The following PREX2 variants were observed in gnomAD, a reference collection of about 807,000 sequenced individuals.
PREX2 encodes the protein phosphatidylinositol-3,4,5-trisphosphate dependent Rac exchange factor 2.
A neutral mutation model predicts 203.2 loss-of-function variants in PREX2; 107 were observed. The observed-to-expected ratio is 0.53, with a 90% CI of 0.45 to 0.62. PREX2 has a LOEUF of 0.62. PREX2 is among the 20% of genes least tolerant of loss of function. The pLI is 0.00. For missense variants in PREX2, 1,777 were observed against 1,955.9 expected, an observed-to-expected ratio of 0.91 and a Z score of 1.72; for synonymous variants, 672 against 663.6, an observed-to-expected ratio of 1.01 and a Z score of -0.19.
At chr8:68,196,785 C>G (rs1812407067) in intron 37 of PREX2, among the ~76,000 whole-genome samples, 1 of 151,922 alleles carries the variant, frequency 6.6e-6, no homozygotes, top group South Asian at 2.1e-4. Context: ...GCTTCCCCTT[C>G]ACCTTCCACC....
At chr8:68,024,369 T>A (rs1037876675) in intron 4 of PREX2, among the ~76,000 whole-genome samples, 1 of 152,044 alleles carries the variant, frequency 6.6e-6, no homozygotes, top group Non-Finnish European at 1.5e-5. Flanking sequence ...CTGTTAGATA[T>A]GCACGCATTC....
chr8:68,204,002 G>A lies in PREX2; in HGVS notation c.4604+11477G>A, dbSNP rs576379419. Among the ~76,000 whole-genome samples, 8 of 152,182 alleles carry A rather than the reference G, an allele frequency of 5.3e-5. No homozygotes were observed. The South Asian group carries it at 1.7e-3, about 32-fold the overall frequency. ...AATGTTAAGGAACTTCGGGTAGCTG[G>A]GATAGGTACCCAACCTATTCAGTTA... is the stretch of plus-strand genomic sequence containing the variant. On this transcript the variant is annotated intron_variant, in intron 37 of 39. Transcript: ENST00000288368.
chr8:68,151,506 C>G (rs183896618), intron 34 of PREX2, among the ~76,000 whole-genome samples: 1 of 152,110 alleles, frequency 6.6e-6, no homozygotes, highest in Admixed American at 6.5e-5. Flanking sequence ...ATACAAACCT[C>G]GACAGATGTT....
chr8:68,084,408 T>C (rs935963255), intron 18 of PREX2, among the ~76,000 whole-genome samples: 1 of 152,120 alleles, frequency 6.6e-6, no homozygotes, highest in Non-Finnish European at 1.5e-5. Flanking sequence ...TATATTTTAA[T>C]ATGTAAAAAT....
At chr8:67,978,108 G>A (rs923030340) in intron 1 of PREX2, among the ~76,000 whole-genome samples, 1 of 152,172 alleles carries the variant, frequency 6.6e-6, no homozygotes. Flanking sequence ...TTGTGGGACC[G>A]AGCCCTCAAC....
intron 1 of PREX2, among the ~76,000 whole-genome samples, chr8:67,967,116 A>G (rs1805799668): frequency 6.6e-6 from 1 of 152,182 alleles, no homozygotes; most frequent in Non-Finnish European, 1.5e-5. Flanking sequence ...AAATATTTGA[A>G]AGAATTTTTA....
In PREX2 at chr8:68,069,256, A is replaced by T. The variant is rs188192365; in HGVS notation, c.1443+120A>T. The T allele has an allele frequency of 1.5e-5, 9 of 596,664 alleles. No homozygotes were observed. In the South Asian group the frequency reaches 1.9e-4, roughly 13 times the overall value. 37.0% of individuals were successfully genotyped at this position (596,664 alleles called of 1,614,324 possible). ...AGTTTAGAAAATTCTTCGACTATAT[A>T]TACAAGCAAGCCTCTTTATTTATTT... On this transcript the variant is annotated intron_variant, in intron 12 of 39. Transcript: ENST00000288368.
At chr8:68,223,169 T>A (rs1812990150) in intron 38 of PREX2, 1 of 152,232 alleles carries the variant, frequency 6.6e-6, no homozygotes, top group Non-Finnish European at 1.5e-5. Context: ...TTGGTTTTAG[T>A]AATCACACTG....
chr8:68,099,539 A>G (rs1237567349), intron 22 of PREX2, 143 bp from the exon 23 acceptor site: 2 of 713,060 alleles, frequency 2.8e-6, no homozygotes, highest in African/African-American at 1.8e-5. Context: ...ACAAAATAGG[A>G]AAGTTGCCCT....
intron 39 of PREX2, among the ~76,000 whole-genome samples, chr8:68,228,329 G>C (rs1302594595): frequency 6.6e-6 from 1 of 152,064 alleles, no homozygotes; most frequent in Non-Finnish European, 1.5e-5. Context: ...GTGGTTAAAA[G>C]TGAAAAAAAT....
chr8:68,155,736 C>G (rs1009326571), intron 34 of PREX2, among the ~76,000 whole-genome samples: 10 of 152,260 alleles, frequency 6.6e-5, no homozygotes, highest in African/African-American at 2.2e-4. Context: ...TACTGGCAAC[C>G]TTTCCACAGG....
chr8:68,215,877 C>T (rs1317341669), intron 37 of PREX2, among the ~76,000 whole-genome samples: 1 of 152,196 alleles, frequency 6.6e-6, no homozygotes, highest in Non-Finnish European at 1.5e-5. Context: ...GTTATTACTG[C>T]TTGGCCTTCA....
intron 7 of PREX2, 96 bp from the exon 8 acceptor site, chr8:68,044,391 G>T: frequency 1.3e-6 from 1 of 773,370 alleles, no homozygotes; most frequent in Non-Finnish European, 2.2e-6. Context: ...CGATTGAATT[G>T]GTGTCTTTTT....
chr8:67,983,433 T>C (rs1229725958), intron 1 of PREX2, among the ~76,000 whole-genome samples: 1 of 152,200 alleles, frequency 6.6e-6, no homozygotes, highest in East Asian at 1.9e-4. Flanking sequence ...ATGCTAAGAT[T>C]CTCACCTGAG....
Position 68,152,554 on chromosome 8 carries a change from A to G in PREX2, c.4232-4768A>G, listed in dbSNP as rs186165382. The stretch of plus-strand genomic sequence containing the variant: ...TCAATGGCCAATTAAATGCTTTCAA[A>G]TTCATAGTTTATTGCAAGGATTTCA... On this transcript the variant is annotated intron_variant, in intron 34 of 39. Coordinates refer to ENST00000288368, the MANE Select transcript of PREX2 (RefSeq NM_024870.4). Among the ~76,000 whole-genome samples, 393 of 152,224 alleles carry G rather than the reference A, an allele frequency of 2.6e-3. 2 individuals are homozygous for G. Among genetic ancestry groups the G allele is most frequent in the Non-Finnish European group, 4.3e-3 (293 of 68,024 alleles).
chr8:68,193,205 T>C (rs1280180701), intron 37 of PREX2, among the ~76,000 whole-genome samples: 1 of 152,198 alleles, frequency 6.6e-6, no homozygotes, highest in Non-Finnish European at 1.5e-5. Context: ...GCCTCTCCAT[T>C]GCCACAAGGA....
intron 9 of PREX2, 65 bp downstream of exon 9, chr8:68,053,311 A>G: frequency 1.3e-6 from 2 of 1,512,342 alleles, no homozygotes; most frequent in Admixed American, 1.8e-5. Flanking sequence ...GGAGCAGATA[A>G]TGGGAAAACA....
At chr8:68,150,163 C>A (rs943241691) in intron 34 of PREX2, among the ~76,000 whole-genome samples, 1 of 152,210 alleles carries the variant, frequency 6.6e-6, no homozygotes, top group Non-Finnish European at 1.5e-5. Context: ...GCTCTTTGAG[C>A]ATCCTCTGTA....
intron 5 of PREX2, 143 bp from the exon 6 acceptor site, chr8:68,030,354 T>G (rs1807845846): frequency 6.0e-6 from 4 of 670,110 alleles, no homozygotes; most frequent in Non-Finnish European, 9.5e-6. Flanking sequence ...CAAACTTTTA[T>G]TTTTGATCTT....
Sources: gnomAD v4.1 joint callset for allele counts (sites outside exome capture counted in the v4.1 genomes callset) on GRCh38, gnomAD v4.1.1 for gene constraint, MANE v1.5 for transcripts, NCBI Gene and HGNC (gene_info 2026-07-23, HGNC 2026-07-21) for gene names.